The following VAV2 variants were observed in gnomAD, a reference collection of about 807,000 sequenced individuals.
The protein encoded by VAV2 is vav guanine nucleotide exchange factor 2, also known as guanine nucleotide exchange factor VAV2.
VAV2 carries 67 observed loss-of-function variants against 132.5 expected under a neutral mutation model. That is an observed-to-expected ratio of 0.51 (90% CI 0.42 to 0.62). The LOEUF is 0.62. Ranked by LOEUF, VAV2 falls within the 20% of genes least tolerant of loss-of-function variation. The pLI is 0.00. For synonymous variants in VAV2, 492 were observed against 443.5 expected (o/e 1.11, Z -1.37); for missense variants, 938 against 1,153.6 (o/e 0.81, Z 2.71).
chr9:133,899,239 G>A (rs368225142), intron 2 of VAV2, among the ~76,000 whole-genome samples: 3 of 151,718 alleles, frequency 2.0e-5, no homozygotes, highest in East Asian at 2.0e-4. Context: ...AGGAGGAGAC[G>A]ACCTGAGGAG....
chr9:133,794,943 C>G lies in VAV2; in HGVS notation c.1101+725G>C, dbSNP rs1266444176. Among the ~76,000 whole-genome samples the G allele has an allele frequency of 6.6e-6, 1 of 152,190 alleles. No individual in the cohort carries two copies. The highest frequency in any genetic ancestry group is 2.4e-5 in the African/African-American group (1 of 41,446). On this transcript the variant is annotated intron_variant, in intron 12 of 29. Coordinates refer to ENST00000371850, the MANE Select transcript of VAV2 (RefSeq NM_001134398.2). This position sits in a 1 kb window ranked among gnomAD's most constrained non-coding sequence, Gnocchi z 4.6. Reference sequence around the variant, plus strand: ...GAAAACGTTCTGTCCACAGTGAAGGCAGGATGAGCAGGACGTGGCCAGGTG... The same window carrying G: ...GAAAACGTTCTGTCCACAGTGAAGGGAGGATGAGCAGGACGTGGCCAGGTG...
intron 2 of VAV2, among the ~76,000 whole-genome samples, chr9:133,897,655 G>C (rs555746875): frequency 1.5e-4 from 23 of 152,266 alleles, no homozygotes; most frequent in African/African-American, 4.8e-4. Flanking sequence ...GTGGCTCTAA[G>C]CCCTCCATTT....
At chr9:133,873,722 G>T (rs1045150085) in intron 2 of VAV2, among the ~76,000 whole-genome samples, 4 of 152,182 alleles carry the variant, frequency 2.6e-5, no homozygotes, top group African/African-American at 9.7e-5. Flanking sequence ...GGGGGTCAGG[G>T]GCTGTTGGGG....
intron 1 of VAV2, among the ~76,000 whole-genome samples, chr9:133,979,371 G>C (rs577208165): frequency 2.0e-5 from 3 of 152,160 alleles, no homozygotes; most frequent in Non-Finnish European, 4.4e-5. Context: ...CTGTGTGTGC[G>C]GTCTCCACCC....
intron 2 of VAV2, among the ~76,000 whole-genome samples, chr9:133,938,831 C>T (rs531094002): frequency 5.3e-5 from 8 of 152,320 alleles, no homozygotes; most frequent in Non-Finnish European, 8.8e-5. Context: ...GCTCTTCCCC[C>T]ACCCGCCTGA....
At chr9:133,954,626 G>A (rs894150628) in intron 1 of VAV2, among the ~76,000 whole-genome samples, 5 of 152,246 alleles carry the variant, frequency 3.3e-5, no homozygotes, top group African/African-American at 4.8e-5. Context: ...CCTGTGGGGC[G>A]GGCGGGGGAT....
chr9:133,947,078 C>T (rs1383276916), intron 1 of VAV2, among the ~76,000 whole-genome samples: 1 of 152,168 alleles, frequency 6.6e-6, no homozygotes, highest in Non-Finnish European at 1.5e-5. Flanking sequence ...TCTCAAAGGG[C>T]CCTGCTTTCT....
At chr9:133,976,769 C>T (rs898915816) in intron 1 of VAV2, among the ~76,000 whole-genome samples, 4 of 152,232 alleles carry the variant, frequency 2.6e-5, no homozygotes, top group African/African-American at 4.8e-5. Context: ...CCCGCCTTAG[C>T]ATTCCATTTT....
rs1157962304 is a variant in VAV2 at position 133,762,505 on chromosome 9, C to T, written c.*1557G>A. ...CTGCTGGCTTCCTCCCCGCCATCCTCCGCGCCTGCTGGGCCGCAGGTCGCA... is the reference window on the plus strand; with the variant it reads ...CTGCTGGCTTCCTCCCCGCCATCCTTCGCGCCTGCTGGGCCGCAGGTCGCA... On this transcript the variant is annotated 3_prime_UTR_variant, in exon 30 of 30. Transcript: ENST00000371850. This position sits in a 1 kb window ranked among gnomAD's most constrained non-coding sequence, Gnocchi z 5.0. The T allele has an allele frequency of 6.6e-6, 1 of 152,404 alleles. No individual in the cohort carries two copies. The highest frequency in any genetic ancestry group is 1.9e-4 in the East Asian group (1 of 5,202). The allele number at this position is 152,404 out of a possible 1,614,324, so 9.4% of individuals were successfully genotyped here. A position where few individuals can be genotyped will look rare whatever the true frequency, so the allele number is the denominator to read the frequency against.
At position 133,992,116 on chromosome 9, in the gene VAV2, T is replaced by C. The variant is rs754947202; in HGVS notation, c.163A>G (p.Ile55Val). 1.0e-5 allele frequency: 16 copies of C among 1,591,140 alleles called. No homozygotes were observed. The highest frequency in any genetic ancestry group is 8.6e-5 in the Admixed American group (5 of 58,008). Residue 55 changes from isoleucine (I) to valine (V), a missense_variant, in exon 1 of 30, where the codon ATC becomes GTC. Physicochemically the swap from Ile to Val is conservative, Grantham distance 29. Coordinates refer to ENST00000371850, the MANE Select transcript of VAV2 (RefSeq NM_001134398.2). This position sits in a 1 kb window ranked among gnomAD's most constrained non-coding sequence, Gnocchi z 5.5. ...QLLHNLSPGS[I>V]DLKDINFRPQ... Reference sequence around the variant, plus strand: ...CGGAAGTTGATGTCCTTGAGGTCGATGGAGCCGGGGGAGAGGTTGTGCAGC... The same window carrying C: ...CGGAAGTTGATGTCCTTGAGGTCGACGGAGCCGGGGGAGAGGTTGTGCAGC...
At chr9:133,791,184 G>C (rs530744981) in intron 13 of VAV2, among the ~76,000 whole-genome samples, 1 of 152,328 alleles carries the variant, frequency 6.6e-6, no homozygotes, top group East Asian at 1.9e-4. Context: ...TTTGCTTCCT[G>C]GGGTGGCGCA....
rs747968112 is a variant in VAV2 at position 133,778,902 on chromosome 9, G to C, written c.1763-13C>G. The C allele has an allele frequency of 1.4e-5, 22 of 1,610,710 alleles. No homozygotes were observed. The South Asian group carries it at 2.3e-4, about 17-fold the overall frequency. On this transcript the variant is annotated splice_polypyrimidine_tract_variant and intron_variant, in intron 21 of 29. Transcript: ENST00000371850. ...ACCATCTTGGGACCTGCAAAGGATA[G>C]GACAGCTCACTCAGTGACTCAGCAG...
intron 1 of VAV2, among the ~76,000 whole-genome samples, chr9:133,960,388 G>C (rs1196406502): frequency 6.6e-6 from 1 of 152,080 alleles, no homozygotes; most frequent in Non-Finnish European, 1.5e-5. Context: ...ACACTGGACA[G>C]AGGCCCAGGG....
At chr9:133,816,076 C>A (rs994325168) in intron 4 of VAV2, among the ~76,000 whole-genome samples, 1 of 152,214 alleles carries the variant, frequency 6.6e-6, no homozygotes, top group East Asian at 1.9e-4. Context: ...CTATTTGGCA[C>A]TTTCCTGATG....
intron 1 of VAV2, among the ~76,000 whole-genome samples, chr9:133,955,447 T>G (rs1841725994): frequency 2.4e-5 from 1 of 42,272 alleles, no homozygotes; most frequent in African/African-American, 9.6e-5. Flanking sequence ...ACTCTCCCCA[T>G]ACTCCCCACT....
intron 4 of VAV2, among the ~76,000 whole-genome samples, chr9:133,827,009 C>T (rs1036194298): frequency 6.6e-6 from 1 of 152,196 alleles, no homozygotes; most frequent in Non-Finnish European, 1.5e-5. Context: ...CAGGGCCCCC[C>T]ACAGACTGCA....
At chr9:133,767,752 C>A (rs554513380) in intron 29 of VAV2, among the ~76,000 whole-genome samples, 28 of 152,330 alleles carry the variant, frequency 1.8e-4, no homozygotes, top group African/African-American at 6.7e-4. Flanking sequence ...CTCTGAAGCC[C>A]CATCCACCTG....
At chr9:133,949,406 G>A (rs985540758) in intron 1 of VAV2, among the ~76,000 whole-genome samples, 4 of 152,248 alleles carry the variant, frequency 2.6e-5, no homozygotes, top group Non-Finnish European at 5.9e-5. Flanking sequence ...CTGGAGACAC[G>A]TGGCTGACAC....
In VAV2 at chr9:133,769,497, C is replaced by T. The variant is rs1456299174; in HGVS notation, c.2354G>A (p.Cys785Tyr). Residue 785 changes from cysteine (C) to tyrosine (Y), a missense_variant, in exon 28 of 30, where the codon TGT becomes TAT. Transcript: ENST00000371850. The surrounding 1 kb of genome is among the most constrained non-coding windows in gnomAD (Gnocchi z 8.1). ...GAGAAAAGAAAAGTTGTAGGAAGCA[C>T]AGGAAGCTGCAAAGAGGCGAGAGAG... ...SRASSRSPAS[C>Y]ASYNFSFLSP... 1 of 1,611,540 alleles carries T rather than the reference C, an allele frequency of 6.2e-7. No homozygotes were observed. Among genetic ancestry groups the T allele is most frequent in the African/African-American group, 1.3e-5 (1 of 74,892 alleles).
Sources: gnomAD v4.1 joint callset for allele counts (sites outside exome capture counted in the v4.1 genomes callset) on GRCh38, gnomAD v4.1.1 for gene constraint, Gnocchi (gnomAD v3.1) non-coding constraint, MANE v1.5 for transcripts, NCBI Gene and HGNC (gene_info 2026-07-23, HGNC 2026-07-21) for gene names.